NDUFAF6: variants seen among roughly 807,000 people sequenced by gnomAD.
NDUFAF6 encodes NADH dehydrogenase (ubiquinone) complex I, assembly factor 6.
Under a neutral mutation model 40.8 loss-of-function variants are expected in NDUFAF6, and 45 were observed. That is an observed-to-expected ratio of 1.10 (90% CI 0.87 to 1.42). The LOEUF is 1.42. Among genes scored for constraint, NDUFAF6 ranks in the 40% most tolerant of loss-of-function variants. The pLI, the probability that NDUFAF6 is intolerant of heterozygous loss-of-function variation, is 0.00. For synonymous variants in NDUFAF6, 185 were observed against 155.9 expected, an observed-to-expected ratio of 1.19 and a Z score of -1.39; for missense variants, 435 against 418.5, an observed-to-expected ratio of 1.04 and a Z score of -0.34.
chr8:95,020,461 G>A (rs557533428), upstream of NDUFAF6, among the ~76,000 whole-genome samples: 2 of 152,176 alleles, frequency 1.3e-5, no homozygotes, highest in African/African-American at 4.8e-5. Context: ...ATGGTGCCTT[G>A]TTATAAATGA....
At chr8:95,066,448 A>T (rs187288731) in intron 9 of NDUFAF6, among the ~76,000 whole-genome samples, 112 of 150,080 alleles carry the variant, frequency 7.5e-4, no homozygotes, top group Middle Eastern at 3.4e-3. Context: ...AATCACTTTT[A>T]AAAAAAAAGT....
chr8:94,963,190 T>C (rs959621146), intron 1 of NDUFAF6, among the ~76,000 whole-genome samples: 1 of 152,186 alleles, frequency 6.6e-6, no homozygotes, highest in Non-Finnish European at 1.5e-5. Flanking sequence ...GTCTTATTGA[T>C]ACAGAGAAAA....
chr8:95,022,563 C>T (rs145917488), upstream of NDUFAF6, among the ~76,000 whole-genome samples: 21 of 145,002 alleles, frequency 1.4e-4, no homozygotes, highest in Middle Eastern at 3.5e-3. Flanking sequence ...AAGTTAGATT[C>T]ATACCTTCCT....
chr8:94,990,858 C>T (rs1019723561), intron 2 of NDUFAF6, among the ~76,000 whole-genome samples: 20 of 152,324 alleles, frequency 1.3e-4, no homozygotes, highest in African/African-American at 4.1e-4. Context: ...AAAGCTTCCT[C>T]GCAGATAGAT....
chr8:94,930,462 A>C lies in NDUFAF6; in HGVS notation c.-935-15021A>C. ...AAGCACAAACCAAGAGAAACCAACC[A>C]ACAAAACTTGAAACTATTAGTAATT... On this transcript the variant is annotated intron_variant, in intron 1 of 14. Coordinates refer to the NDUFAF6 transcript ENST00000396113. 2 of 1,613,006 alleles carry C rather than the reference A, an allele frequency of 1.2e-6. 1 individual carries two copies.
At chr8:95,060,894 T>TA (rs1451764806), downstream of NDUFAF6, among the ~76,000 whole-genome samples, 2 of 151,886 alleles carry the variant, frequency 1.3e-5, no homozygotes, top group Non-Finnish European at 2.9e-5. Flanking sequence ...GAGAGAGAAA[T>TA]AGACAATCGA....
chr8:94,905,206 A>C (rs1247983279), intron 1 of NDUFAF6, among the ~76,000 whole-genome samples: 1 of 151,806 alleles, frequency 6.6e-6, no homozygotes, highest in Non-Finnish European at 1.5e-5. Context: ...AAGAAAAAAA[A>C]ATTTTTTTCT....
intron 1 of NDUFAF6, chr8:94,940,088 G>C (rs759872899): frequency 9.9e-6 from 16 of 1,614,200 alleles, no homozygotes; most frequent in Non-Finnish European, 1.4e-5. Context: ...GAGAAAGCAG[G>C]AATCACTTGT....
intron 1 of NDUFAF6, among the ~76,000 whole-genome samples, chr8:94,917,988 C>T (rs1156308020): frequency 6.6e-6 from 1 of 152,140 alleles, no homozygotes; most frequent in Non-Finnish European, 1.5e-5. Flanking sequence ...TTGCCAAGTG[C>T]CTGTTTTGTC....
downstream of NDUFAF6, among the ~76,000 whole-genome samples, chr8:95,077,585 T>C (rs1405657857): frequency 6.6e-6 from 1 of 152,112 alleles, no homozygotes; most frequent in East Asian, 1.9e-4. Context: ...AGTCTTTATG[T>C]CTGTGATTTT....
chr8:94,968,452 A>T lies in NDUFAF6; in HGVS notation c.-199+10273A>T, dbSNP rs557232931. 2.0e-5 allele frequency among the ~76,000 whole-genome samples: 3 copies of T among 152,352 alleles called. No homozygotes were observed. In the South Asian group the frequency reaches 6.2e-4, roughly 32 times the overall value. On this transcript the variant is annotated intron_variant, in intron 1 of 9. Transcript: ENST00000396111. ...ATGTCATTTAGGTAAAACCTGGCACACGGGGCAGCAAGCCATGTGGGCATC... is the reference window on the plus strand; with the variant it reads ...ATGTCATTTAGGTAAAACCTGGCACTCGGGGCAGCAAGCCATGTGGGCATC...
intron 4 of NDUFAF6, among the ~76,000 whole-genome samples, chr8:95,112,694 T>G (rs552189959): frequency 6.6e-6 from 1 of 152,314 alleles, no homozygotes; most frequent in East Asian, 1.9e-4. Flanking sequence ...AAAGACACCT[T>G]GCCATCCTGC....
At chr8:95,019,509 A>C (rs150003433) in intron 2 of NDUFAF6, among the ~76,000 whole-genome samples, 1 of 152,298 alleles carries the variant, frequency 6.6e-6, no homozygotes, top group African/African-American at 2.4e-5. Flanking sequence ...TCTATGGAAC[A>C]TTTCGCAGGT....
chr8:95,059,914 T>A (rs1832527330), downstream of NDUFAF6, among the ~76,000 whole-genome samples: 1 of 151,876 alleles, frequency 6.6e-6, no homozygotes, highest in Non-Finnish European at 1.5e-5. Context: ...TTCTGAGTGA[T>A]CCAGGGTTGA....
intron 4 of NDUFAF6, among the ~76,000 whole-genome samples, chr8:95,112,823 A>C (rs1183674367): frequency 6.6e-6 from 1 of 152,236 alleles, no homozygotes; most frequent in Admixed American, 6.5e-5. Context: ...TACAAACATT[A>C]AGATTAAAAA....
intron 1 of NDUFAF6, among the ~76,000 whole-genome samples, chr8:94,961,174 A>C (rs1472573143): frequency 6.6e-6 from 1 of 152,234 alleles, no homozygotes; most frequent in Non-Finnish European, 1.5e-5. Context: ...AGTGTTCTCC[A>C]CTGACACGTA....
chr8:95,012,710 GT>G (rs1279498062), intron 2 of NDUFAF6, among the ~76,000 whole-genome samples: 1 of 150,974 alleles, frequency 6.6e-6, no homozygotes, highest in Non-Finnish European at 1.5e-5. Flanking sequence ...CATGCCTGTG[GT>G]CCCAGCTACT....
chr8:94,948,419 G>A (rs528591815), intron 2 of NDUFAF6, among the ~76,000 whole-genome samples: 3 of 152,330 alleles, frequency 2.0e-5, no homozygotes, highest in South Asian at 2.1e-4. Flanking sequence ...AAGCGTGAGC[G>A]ATCCAAAGGA....
At chr8:94,940,025 C>T in intron 1 of NDUFAF6, 1 of 1,614,188 alleles carries the variant, frequency 6.2e-7, no homozygotes, top group Non-Finnish European at 8.5e-7. Flanking sequence ...TGCAGTAAAA[C>T]ATGGGGGTGG....
Sources: gnomAD v4.1 joint callset for allele counts (sites outside exome capture counted in the v4.1 genomes callset) on GRCh38, gnomAD v4.1.1 for gene constraint, MANE v1.5 for transcripts, NCBI Gene and HGNC (gene_info 2026-07-23, HGNC 2026-07-21) for gene names.